Variants in PKP4 observed in about 807,000 individuals in gnomAD.
PKP4 encodes plakophilin-4.
Under a neutral mutation model 145.1 loss-of-function variants are expected in PKP4, and 90 were observed. The ratio of observed to expected loss-of-function variants is 0.62; its 90% CI spans 0.52 to 0.74. The LOEUF (loss-of-function observed/expected upper bound fraction) is 0.74, where lower values mean the gene tolerates loss of function less well. Among genes scored for constraint, PKP4 ranks in the 30% least tolerant of loss-of-function variants. The probability of loss-of-function intolerance (pLI) is 0.00; values close to 1 mark genes in which losing one functional copy is unlikely to be tolerated. For missense variants in PKP4, 1,340 were observed against 1,482.7 expected, an observed-to-expected ratio of 0.90 and a Z score of 1.58; for synonymous variants, 563 against 577.2, an observed-to-expected ratio of 0.98 and a Z score of 0.35.
intron 7 of PKP4, among the ~76,000 whole-genome samples, 178 bp downstream of exon 7, chr2:158,625,605 TTATA>T (rs1471161066): frequency 1.3e-5 from 2 of 152,204 alleles, no homozygotes; most frequent in Admixed American, 1.3e-4. Flanking sequence ...ATACATGAAA[TTATA>T]TACATTTATA....
chr2:158,680,977 G>A lies in PKP4; in HGVS notation c.*300G>A, dbSNP rs2058395557. On this transcript the variant is annotated 3_prime_UTR_variant, in exon 22 of 22. Transcript: ENST00000389759. ...GGTGAAATGAAATGGGGGATATGTA[G>A]GTCAAATCAAATTAAAGATGATTTT... is the stretch of plus-strand genomic sequence containing the variant. 3.6e-6 allele frequency: 1 copy of A among 276,312 alleles called. No individual in the cohort carries two copies. Among genetic ancestry groups the A allele is most frequent in the Non-Finnish European group, 6.8e-6 (1 of 147,682 alleles). The allele number at this position is 276,312 out of a possible 1,614,324, so 17.1% of individuals were successfully genotyped here.
At chr2:158,497,531 C>CA (rs1695919968) in intron 1 of PKP4, among the ~76,000 whole-genome samples, 1 of 152,134 alleles carries the variant, frequency 6.6e-6, no homozygotes, top group Admixed American at 6.5e-5. Flanking sequence ...CTTTAAAAAA[C>CA]AGTCTGTCAG....
chr2:158,615,405 G>C (rs1453298220), intron 4 of PKP4, among the ~76,000 whole-genome samples: 1 of 151,780 alleles, frequency 6.6e-6, no homozygotes, highest in East Asian at 1.9e-4. Context: ...TTTATGTCTT[G>C]TTCATTTCAT....
At chr2:158,464,410 A>G (rs1690262707) in intron 1 of PKP4, among the ~76,000 whole-genome samples, 2 of 152,224 alleles carry the variant, frequency 1.3e-5, no homozygotes, top group African/African-American at 4.8e-5. Context: ...ATAAAAAGTA[A>G]TTTAAAAATT....
intron 1 of PKP4, among the ~76,000 whole-genome samples, chr2:158,495,239 G>A (rs999759043): frequency 6.6e-6 from 1 of 151,282 alleles, no homozygotes; most frequent in African/African-American, 2.4e-5. Context: ...TAAAAATGAA[G>A]TACCATTTTT....
At chr2:158,635,194 G>A (rs1383066634) in intron 9 of PKP4, among the ~76,000 whole-genome samples, 6 of 152,140 alleles carry the variant, frequency 3.9e-5, no homozygotes, top group African/African-American at 2.4e-5. Context: ...TTAAAATGAT[G>A]AGTGAGGTTT....
intron 2 of PKP4, chr2:158,548,680 C>G (rs1021120982): frequency 7.1e-5 from 13 of 184,232 alleles, no homozygotes. Context: ...ACCAGTTCAC[C>G]CCGGCCGTGG....
chr2:158,481,089 C>G (rs1693282537), intron 1 of PKP4, among the ~76,000 whole-genome samples: 1 of 151,984 alleles, frequency 6.6e-6, no homozygotes, highest in Non-Finnish European at 1.5e-5. Context: ...TGATATTATA[C>G]TTTTTGTTTT....
chr2:158,660,047 A>T (rs920995887), intron 12 of PKP4: 1 of 152,692 alleles, frequency 6.5e-6, no homozygotes, highest in Non-Finnish European at 1.5e-5. Flanking sequence ...AAGGCTTGCT[A>T]ATAGATCGAA....
At chr2:158,522,659 T>C (rs545370717) in intron 1 of PKP4, among the ~76,000 whole-genome samples, 3 of 152,324 alleles carry the variant, frequency 2.0e-5, no homozygotes, top group Non-Finnish European at 2.9e-5. Context: ...AGCTCCGGTC[T>C]ACAGCTCCCA....
chr2:158,606,440 A>T lies in PKP4; in HGVS notation c.280+3336A>T, dbSNP rs114593559. Reference sequence around the variant, plus strand: ...TAGCCGTCCTAGTGGGTGTGAAGTAATTTGTTGTATTTTAACCTTACCAAC... The same window carrying T: ...TAGCCGTCCTAGTGGGTGTGAAGTATTTTGTTGTATTTTAACCTTACCAAC... On this transcript the variant is annotated intron_variant, in intron 4 of 21. Coordinates refer to ENST00000389759, the MANE Select transcript of PKP4 (RefSeq NM_003628.6). Among the ~76,000 whole-genome samples the T allele has an allele frequency of 1.0e-2, 1,518 of 152,188 alleles. 20 individuals are homozygous for T. Among genetic ancestry groups the T allele is most frequent in the South Asian group, 0.038 (182 of 4,812 alleles).
chr2:158,479,583 A>G (rs1693030689), intron 1 of PKP4, among the ~76,000 whole-genome samples: 1 of 152,050 alleles, frequency 6.6e-6, no homozygotes, highest in African/African-American at 2.4e-5. Flanking sequence ...TTTTTCCTTA[A>G]TATAGTCTTA....
intron 1 of PKP4, among the ~76,000 whole-genome samples, chr2:158,495,565 G>A (rs986961804): frequency 6.6e-6 from 1 of 152,074 alleles, no homozygotes; most frequent in Middle Eastern, 3.4e-3. Context: ...TCCGGGTGCC[G>A]TGGCTCCCAC....
intron 3 of PKP4, 47 bp from the exon 4 acceptor site, chr2:158,603,023 A>T (rs752802192): frequency 4.9e-6 from 6 of 1,224,122 alleles, no homozygotes; most frequent in Admixed American, 2.3e-5. Context: ...GCTAAATTTT[A>T]TGACAAAATA....
At chr2:158,677,866 C>A (rs1217581107) in intron 20 of PKP4, among the ~76,000 whole-genome samples, 3 of 152,122 alleles carry the variant, frequency 2.0e-5, no homozygotes, top group Non-Finnish European at 4.4e-5. Context: ...AGCATGCATG[C>A]CCTTCTGTAT....
At chr2:158,522,480 CAT>C (rs1559263911) in intron 1 of PKP4, among the ~76,000 whole-genome samples, 1 of 152,166 alleles carries the variant, frequency 6.6e-6, no homozygotes, top group Non-Finnish European at 1.5e-5. Context: ...GCCAGTTTCA[CAT>C]ATGAGCCTCT....
intron 16 of PKP4, among the ~76,000 whole-genome samples, chr2:158,667,903 T>C (rs2057246103): frequency 6.6e-6 from 1 of 152,202 alleles, no homozygotes; most frequent in Admixed American, 6.5e-5. Flanking sequence ...CTGTATTGTT[T>C]GGATTTCTTA....
chr2:158,654,753 G>T (rs1574992769), intron 11 of PKP4, among the ~76,000 whole-genome samples: 1 of 152,130 alleles, frequency 6.6e-6, no homozygotes. Context: ...TTACAAAAAG[G>T]CACAAAGGGG....
At chr2:158,498,040 G>A (rs1468745681) in intron 1 of PKP4, among the ~76,000 whole-genome samples, 1 of 152,192 alleles carries the variant, frequency 6.6e-6, no homozygotes, top group Non-Finnish European at 1.5e-5. Flanking sequence ...AAAAACTCAA[G>A]TCTTGTTTCT....
Sources: gnomAD v4.1 joint callset for allele counts (sites outside exome capture counted in the v4.1 genomes callset) on GRCh38, gnomAD v4.1.1 for gene constraint, MANE v1.5 for transcripts, NCBI Gene and HGNC (gene_info 2026-07-23, HGNC 2026-07-21) for gene names.